ERI2: variants seen among roughly 807,000 people sequenced by gnomAD.
The protein encoded by ERI2 is ERI1 exoribonuclease 2.
Under a neutral mutation model 46.8 loss-of-function variants are expected in ERI2, and 35 were observed. The ratio of observed to expected loss-of-function variants is 0.75; its 90% CI spans 0.57 to 0.99. The LOEUF is 0.99. ERI2 is among the 50% of genes least tolerant of loss of function. The pLI is 0.00. For synonymous variants in ERI2, 224 were observed against 271.0 expected (o/e 0.83, Z 1.70); for missense variants, 695 against 796.2 (o/e 0.87, Z 1.53).
chr16:20,788,848 G>C (rs2080531221), intron 10 of ERI2, among the ~76,000 whole-genome samples: 3 of 152,080 alleles, frequency 2.0e-5, no homozygotes, highest in Admixed American at 2.0e-4. Context: ...TATTTCTTTA[G>C]ATAACTGGGT....
chr16:20,798,011 A>G lies in ERI2; in HGVS notation c.1789T>C (p.Cys597Arg), dbSNP rs1596547960. The part of the protein sequence containing the change: ...WKSGKMTPPL[C>R]KCGRRSKRLV... The stretch of plus-strand genomic sequence containing the variant: ...CTCTTAGATCTCCGACCACACTTGC[A>G]TAATGGAGGTGTCATTTTCCCACTC... Residue 597 changes from cysteine (C) to arginine (R), a missense_variant, in exon 9 of 9, where the codon TGC (cysteine) becomes CGC (arginine). Transcript: ENST00000357967. 1 of 1,551,978 alleles carries G rather than the reference A, an allele frequency of 6.4e-7. No homozygotes were observed. The highest frequency in any genetic ancestry group is 8.7e-7 in the Non-Finnish European group (1 of 1,147,002).
In ERI2 at chr16:20,790,623, CAAG is replaced by C. The variant is rs536683868; in HGVS notation, c.815+224_815+226del. ...AAATGGCAATGTTCTACCTCCTGGA[CAAG>C]AAGGAGATATTGGCATTCAAGTTCT... On this transcript the variant is annotated intron_variant, in intron 9 of 10. Transcript: ENST00000300005. The surrounding 1 kb of genome is among the most constrained non-coding windows in gnomAD (Gnocchi z 4.0). 730 of 1,614,068 alleles carry C rather than the reference CAAG, an allele frequency of 4.5e-4. 8 individuals carry two copies. In the South Asian group the frequency reaches 7.5e-3, roughly 17 times the overall value.
rs62033348 is a variant in ERI2, at chr16:20,800,094, A to G, written c.562-56T>C. 9.1e-3 allele frequency: 10,178 copies of G among 1,123,990 alleles called. 116 individuals carry two copies. Among genetic ancestry groups the G allele is most frequent in the South Asian group, 0.035 (2,508 of 71,140 alleles). 69.6% of individuals were successfully genotyped at this position (1,123,990 alleles called of 1,614,324 possible). A position where few individuals can be genotyped will look rare whatever the true frequency, so the allele number is the denominator to read the frequency against. ...AAGATTACTATTTTAAAGACTATGT[A>G]TTAAACACTTTTCATAATTTTTAGT... On this transcript the variant is annotated intron_variant, in intron 6 of 8. Transcript: ENST00000357967.
rs1244077549 is a variant in ERI2, at chr16:20,802,833, A to G, written c.266T>C (p.Leu89Pro). Reference protein sequence around the residue: ...AYVQPQEHPILSEFCMELTGI... With the variant: ...AYVQPQEHPIPSEFCMELTGI... ...TGTCAATTCCATGCAAAATTCTGAA[A>G]GAATTGGATGTTCCTGAGGTTGAAC... The change falls in exon 4 of 9, where the codon CTT (leucine) becomes CCT (proline). Residue 89 changes from leucine to proline, a missense_variant. Coordinates refer to ENST00000357967, the MANE Select transcript of ERI2 (RefSeq NM_001142725.2). The G allele has an allele frequency of 4.3e-6, 7 of 1,610,740 alleles. No homozygotes were observed. The highest frequency in any genetic ancestry group is 5.9e-6 in the Non-Finnish European group (7 of 1,177,632).
chr16:20,800,665 C>T (rs933585282), intron 5 of ERI2: 2 of 270,934 alleles, frequency 7.4e-6, no homozygotes, highest in Non-Finnish European at 1.4e-5. Flanking sequence ...ATTACAAGGA[C>T]TATATTTTCT....
In ERI2 at chr16:20,796,848, A is replaced by C; in HGVS notation, c.*876T>G. 2 of 1,606,572 alleles carry C rather than the reference A, an allele frequency of 1.2e-6. No homozygotes were observed. The highest frequency in any genetic ancestry group is 1.7e-6 in the Non-Finnish European group (2 of 1,178,126). ...ATAATTGGCTTTATGTAAAGATAAA[A>C]ATTTCCAGGCTAATTTTCTTCCCCT... On this transcript the variant is annotated 3_prime_UTR_variant, in exon 9 of 9. Transcript: ENST00000357967.
At chr16:20,802,950 G>A in intron 3 of ERI2, 27 bp from the exon 4 acceptor site, 1 of 1,535,482 alleles carries the variant, frequency 6.5e-7, no homozygotes, top group Non-Finnish European at 8.8e-7. Flanking sequence ...TCAATTGACA[G>A]TTGAATAAAT....
chr16:20,787,169 A>G (rs917558861), intron 10 of ERI2, among the ~76,000 whole-genome samples: 1 of 152,240 alleles, frequency 6.6e-6, no homozygotes, highest in Non-Finnish European at 1.5e-5. Context: ...TCCTCAACTT[A>G]TGATAGGGTT....
At chr16:20,795,101 A>T (rs958426543), downstream of ERI2, among the ~76,000 whole-genome samples, 1 of 152,238 alleles carries the variant, frequency 6.6e-6, no homozygotes, top group African/African-American at 2.4e-5. Flanking sequence ...AAGTGAATGG[A>T]ACAAAATTAT....
intron 10 of ERI2, among the ~76,000 whole-genome samples, chr16:20,786,926 A>C (rs1029612724): frequency 2.0e-5 from 3 of 152,126 alleles, no homozygotes; most frequent in Admixed American, 1.3e-4. Context: ...GAGCGGGTCA[A>C]CTAGGCCCGA....
At position 20,800,320 on chromosome 16, in the gene ERI2, A is replaced by C; in HGVS notation, c.543T>G (p.Asp181Glu). 6.2e-7 allele frequency: 1 copy of C among 1,608,260 alleles called. No individual in the cohort carries two copies. The highest frequency in any genetic ancestry group is 8.5e-7 in the Non-Finnish European group (1 of 1,176,708). The change falls in exon 6 of 9, where the codon GAT becomes GAG. Residue 181 changes from aspartate (D) to glutamate (E), a missense_variant. Asp to Glu is a conservative substitution (Grantham distance 45). Transcript: ENST00000357967. ...LKPVFLNSWI[D>E]LRATYKLFYR... ...CCATTACCTTGTAAGTTGCTCTGAGATCAATCCAAGAATTTAAAAACACAG... is the reference window on the plus strand; with the variant it reads ...CCATTACCTTGTAAGTTGCTCTGAGCTCAATCCAAGAATTTAAAAACACAG...
rs1409102496 is a variant in ERI2 at position 20,797,919 on chromosome 16, G to T, written c.1881C>A (p.Tyr627Ter). The change falls in exon 9 of 9, where the codon TAC (tyrosine) becomes TAA (stop). Residue 627 changes from tyrosine to a stop codon, truncating the protein, a stop_gained. Transcript: ENST00000357967. LOFTEE classifies it high-confidence loss of function. ...AACCACAACATTTTCTGTTTTCTTG[G>T]TATTTCCCGATAGGGCAACAATAGA... is the stretch of plus-strand genomic sequence containing the variant. ...KVFYCCPIGK[Y>*]QENRKCCGYF... 1.9e-6 allele frequency: 3 copies of T among 1,551,654 alleles called. No individual in the cohort carries two copies. The highest frequency in any genetic ancestry group is 2.4e-5 in the East Asian group (1 of 40,908).
Position 20,797,508 on chromosome 16 carries a change from T to G in ERI2, c.*216A>C. The G allele has an allele frequency of 8.7e-7, 1 of 1,152,444 alleles. No homozygotes were observed. Among genetic ancestry groups the G allele is most frequent in the Non-Finnish European group, 1.1e-6 (1 of 937,182 alleles). 71.4% of individuals were successfully genotyped at this position (1,152,444 alleles called of 1,614,324 possible). On this transcript the variant is annotated 3_prime_UTR_variant, in exon 9 of 9. Transcript: ENST00000357967. The stretch of plus-strand genomic sequence containing the variant: ...AAAATAGTTTAGACTTGTTTCAAGG[T>G]CTAACTATAAAAGAAGGATCATATA...
chr16:20,797,018 G>T lies in ERI2; in HGVS notation c.*706C>A. ...TATCTATAAAACAAACATAGTATCT[G>T]TCAATCTCTAGAAACCACAAGATGA... On this transcript the variant is annotated 3_prime_UTR_variant, in exon 9 of 9. Transcript: ENST00000357967. 6.3e-7 allele frequency: 1 copy of T among 1,594,100 alleles called. No homozygotes were observed. The highest frequency in any genetic ancestry group is 8.5e-7 in the Non-Finnish European group (1 of 1,173,060).
downstream of ERI2, among the ~76,000 whole-genome samples, chr16:20,794,331 A>G (rs760435003): frequency 6.6e-6 from 1 of 152,214 alleles, no homozygotes; most frequent in Non-Finnish European, 1.5e-5. Flanking sequence ...TTGGGATCAC[A>G]TATCTCTTTG....
intron 10 of ERI2, among the ~76,000 whole-genome samples, chr16:20,787,009 C>G (rs2152478813): frequency 6.6e-6 from 1 of 152,330 alleles, no homozygotes; most frequent in Admixed American, 6.5e-5. Context: ...TTTCCAGCCT[C>G]TCTGTATCCA....
chr16:20,801,723 C>A (rs527296396), intron 4 of ERI2, among the ~76,000 whole-genome samples: 16 of 152,138 alleles, frequency 1.1e-4, no homozygotes, highest in African/African-American at 3.9e-4. Flanking sequence ...ATTTTTATAA[C>A]ATTATTCTTC....
intron 10 of ERI2, among the ~76,000 whole-genome samples, chr16:20,782,143 A>C (rs372818846): frequency 2.0e-5 from 3 of 152,186 alleles, no homozygotes; most frequent in African/African-American, 7.2e-5. Flanking sequence ...AAGAGGATGC[A>C]TATCTTTTAT....
chr16:20,803,755 C>CA, intron 1 of ERI2, 85 bp from the exon 2 acceptor site: 4 of 1,460,946 alleles, frequency 2.7e-6, no homozygotes, highest in Non-Finnish European at 3.8e-6. Context: ...TGGTACTGGG[C>CA]AACAATCTCA....
Sources: allele counts gnomAD v4.1 joint callset (sites outside exome capture counted in the v4.1 genomes callset), GRCh38; gene constraint gnomAD v4.1.1; non-coding constraint Gnocchi (gnomAD v3.1); transcripts MANE v1.5; gene names NCBI Gene and HGNC (gene_info 2026-07-23, HGNC 2026-07-21).